Variants in POLK observed in about 807,000 individuals in gnomAD.
The protein encoded by POLK is polymerase (DNA directed) kappa.
Under a neutral mutation model 94.0 loss-of-function variants are expected in POLK, and 76 were observed. That is an observed-to-expected ratio of 0.81 (90% CI 0.67 to 0.98). The LOEUF (loss-of-function observed/expected upper bound fraction) is 0.98, where lower values mean the gene tolerates loss of function less well. Among genes scored for constraint, POLK ranks in the 50% least tolerant of loss-of-function variants. The pLI, the probability that POLK is intolerant of heterozygous loss-of-function variation, is 0.00. For missense variants in POLK, 954 were observed against 1,010.1 expected (o/e 0.94, Z 0.75); for synonymous variants, 349 against 325.4 (o/e 1.07, Z -0.78).
chr5:75,593,935 T>C (rs1485386474), exon 12 of POLK: 2 of 1,608,356 alleles, frequency 1.2e-6, no homozygotes, highest in Admixed American at 3.3e-5. Flanking sequence ...AACTCGTGCA[T>C]CTACAGTTTC....
intron 3 of POLK, among the ~76,000 whole-genome samples, chr5:75,554,678 C>A (rs1157736236): frequency 6.6e-6 from 1 of 152,050 alleles, no homozygotes; most frequent in Non-Finnish European, 1.5e-5. Flanking sequence ...CTCCAGTAGG[C>A]CCCAGTGTAT....
At chr5:75,531,622 G>A (rs532358762) in intron 1 of POLK, among the ~76,000 whole-genome samples, 3 of 151,990 alleles carry the variant, frequency 2.0e-5, no homozygotes, top group Middle Eastern at 3.4e-3. Context: ...GTGAAACCCC[G>A]TCTCTACTAA....
At chr5:75,576,885 G>A (rs970034046) in exon 6 of POLK, 6 of 1,563,256 alleles carry the variant, frequency 3.8e-6, no homozygotes, top group Admixed American at 3.9e-5. Context: ...AAATTGGCCT[G>A]AGGATAAAAG....
downstream of POLK, among the ~76,000 whole-genome samples, chr5:75,602,742 C>T (rs147354506): frequency 2.9e-3 from 444 of 152,236 alleles, 3 homozygotes; most frequent in Middle Eastern, 0.01. Flanking sequence ...TGTGTATAAT[C>T]CTCTCTTCAA....
intron 9 of POLK, among the ~76,000 whole-genome samples, chr5:75,585,978 T>G (rs937208226): frequency 2.0e-5 from 3 of 152,218 alleles, no homozygotes; most frequent in African/African-American, 7.2e-5. Flanking sequence ...GTTAGCTGAC[T>G]TTGATCTTCA....
intron 3 of POLK, 102 bp from the exon 4 acceptor site, chr5:75,569,238 C>A: frequency 1.3e-6 from 1 of 766,658 alleles, no homozygotes; most frequent in Non-Finnish European, 2.1e-6. Context: ...GGTGTGTGGA[C>A]AGAGACTGAT....
chr5:75,602,477 A>G (rs1389190407), downstream of POLK, among the ~76,000 whole-genome samples: 2 of 152,192 alleles, frequency 1.3e-5, no homozygotes, highest in Non-Finnish European at 2.9e-5. Context: ...CTCTCTTTGA[A>G]AAGTGCAGGG....
the POLK span, among the ~76,000 whole-genome samples, chr5:75,607,023 C>G: frequency 0.14 from 21,453 of 152,130 alleles, 1,620 homozygotes; most frequent in East Asian, 0.23. Context: ...TCAATTCAGG[C>G]AGACAACTTA....
Position 75,584,780 on chromosome 5 carries a change from TAC to T in POLK, c.1082_1083del (p.Thr361ArgfsTer28). On this transcript the variant is annotated frameshift_variant, in exon 9 of 15. Coordinates refer to ENST00000241436, the Ensembl canonical transcript of POLK. LOFTEE classifies it high-confidence loss of function. ...TCTAGGTTTCTGGAATAGGAAAAGT[TAC>T]AGAGAAAATGTTAAAGGCCCTTGGA... 3.2e-6 allele frequency: 5 copies of T among 1,555,752 alleles called. No individual in the cohort carries two copies. The highest frequency in any genetic ancestry group is 3.5e-6 in the Non-Finnish European group (4 of 1,147,558).
intron 2 of POLK, among the ~76,000 whole-genome samples, chr5:75,547,780 T>C (rs570500946): frequency 6.6e-6 from 1 of 152,222 alleles, no homozygotes; most frequent in Admixed American, 6.5e-5. Context: ...TTTCTATCAA[T>C]TCACACTTCC....
At chr5:75,546,647 T>G (rs1770037758) in intron 1 of POLK, among the ~76,000 whole-genome samples, 1 of 118,992 alleles carries the variant, frequency 8.4e-6, no homozygotes, top group African/African-American at 3.2e-5. Flanking sequence ...AACATGTTTT[T>G]TGGAGTTTTT....
rs747717683 is a variant in POLK at position 75,598,004 on chromosome 5, A to ATATT, written c.2601_2604dup (p.Phe869IlefsTer3). Reference sequence around the variant, plus strand: ...AAACAATCCCAAACATACCCTTGATATATTTTTTAAGTAAACATTGAACAT... The same window carrying ATATT: ...AAACAATCCCAAACATACCCTTGATATATTTATTTTTTAAGTAAACATTGAACAT... On this transcript the variant is annotated frameshift_variant, in exon 15 of 15. Transcript: ENST00000241436. LOFTEE classifies it high-confidence loss of function. The ATATT allele has an allele frequency of 1.5e-6, 2 of 1,298,642 alleles. No homozygotes were observed. Among genetic ancestry groups the ATATT allele is most frequent in the East Asian group, 5.2e-5 (2 of 38,504 alleles). The allele number at this position is 1,298,642 out of a possible 1,614,324, so 80.4% of individuals were successfully genotyped here.
intron 4 of POLK, 81 bp from the exon 5 acceptor site, chr5:75,573,657 A>T: frequency 8.8e-7 from 1 of 1,133,596 alleles, no homozygotes; most frequent in Non-Finnish European, 1.3e-6. Flanking sequence ...TGCACATATT[A>T]ATGTGTTTCT....
At chr5:75,524,101 G>C (rs1417913658) in intron 1 of POLK, among the ~76,000 whole-genome samples, 1 of 151,558 alleles carries the variant, frequency 6.6e-6, no homozygotes, top group African/African-American at 2.4e-5. Flanking sequence ...CTGCACTCCA[G>C]CCTGGGTGAC....
intron 2 of POLK, among the ~76,000 whole-genome samples, chr5:75,549,325 G>A (rs1243043601): frequency 6.6e-6 from 1 of 151,832 alleles, no homozygotes; most frequent in Non-Finnish European, 1.5e-5. Flanking sequence ...TTTTCCTACT[G>A]ATCTGGTGTG....
At chr5:75,544,197 A>T (rs1391634059) in intron 1 of POLK, among the ~76,000 whole-genome samples, 1 of 152,116 alleles carries the variant, frequency 6.6e-6, no homozygotes, top group Admixed American at 6.5e-5. Flanking sequence ...ATTCAATAAT[A>T]TGTCTTTTCC....
intron 1 of POLK, among the ~76,000 whole-genome samples, chr5:75,540,441 G>C (rs1769679883): frequency 6.6e-6 from 1 of 151,838 alleles, no homozygotes; most frequent in African/African-American, 2.4e-5. Context: ...CGAGTAGCTG[G>C]GACTACAGGC....
chr5:75,583,884 T>C (rs1772326582), intron 8 of POLK, among the ~76,000 whole-genome samples: 1 of 152,200 alleles, frequency 6.6e-6, no homozygotes, highest in Non-Finnish European at 1.5e-5. Flanking sequence ...TACTTTATTA[T>C]TTTTTAGAGC....
chr5:75,570,297 C>T (rs1048055079), intron 4 of POLK, among the ~76,000 whole-genome samples: 2 of 152,052 alleles, frequency 1.3e-5, no homozygotes, highest in African/African-American at 4.8e-5. Context: ...CCATAAGTAA[C>T]CGTTCTAGTT....
Sources: gnomAD v4.1 joint callset for allele counts (sites outside exome capture counted in the v4.1 genomes callset) on GRCh38, gnomAD v4.1.1 for gene constraint, MANE v1.5 for transcripts, NCBI Gene and HGNC (gene_info 2026-07-23, HGNC 2026-07-21) for gene names.